Variants in HFM1 observed in about 807,000 individuals in gnomAD.
HFM1 encodes the protein helicase for meiosis 1.
In HFM1, 169 loss-of-function variants were observed where a neutral mutation model predicts 192.1. That is an observed-to-expected ratio of 0.88 (90% CI 0.78 to 1.00). The LOEUF is 1.00. Among genes scored for constraint, HFM1 ranks in the 50% least tolerant of loss-of-function variants. HFM1 has a pLI of 0.00. For synonymous variants in HFM1, 525 were observed against 537.8 expected, an observed-to-expected ratio of 0.98 and a Z score of 0.33; for missense variants, 1,661 against 1,668.0, an observed-to-expected ratio of 1.00 and a Z score of 0.07.
At chr1:91,360,512 T>C (rs2101821104) in intron 13 of HFM1, among the ~76,000 whole-genome samples, 1 of 152,294 alleles carries the variant, frequency 6.6e-6, no homozygotes, top group East Asian at 1.9e-4. Context: ...TAAATATATA[T>C]GCACCCAATA....
intron 4 of HFM1, 71 bp downstream of exon 4, chr1:91,394,018 ATATT>A: frequency 1.2e-6 from 1 of 816,438 alleles, no homozygotes; most frequent in East Asian, 2.8e-5. Flanking sequence ...ACATTGTACC[ATATT>A]TAATACTTTT....
rs1344571281 is a variant in HFM1 at position 91,375,387 on chromosome 1, T to A, written c.1656A>T (p.Lys552Asn). 3.1e-6 allele frequency: 5 copies of A among 1,612,680 alleles called. No individual in the cohort carries two copies. The African/African-American group carries it at 6.7e-5, about 22-fold the overall frequency. Residue 552 changes from lysine (K) to asparagine (N), a missense_variant, in exon 13 of 39, where the codon AAA becomes AAT. Physicochemically the swap from Lys to Asn is moderately conservative, Grantham distance 94 (BLOSUM62 0). Coordinates refer to ENST00000370425, the MANE Select transcript of HFM1 (RefSeq NM_001017975.6). ...GTTTCTGTTCCACAGTCATAATAAA[T>A]TTAGCATCTTTCACAAGAACAGAAG... The part of the protein sequence containing the change: ...QAASVLVKDA[K>N]FIMTVEQKQR...
intron 20 of HFM1, 148 bp from the exon 21 acceptor site, chr1:91,324,914 T>G (rs1652659038): frequency 1.5e-6 from 1 of 656,862 alleles, no homozygotes; most frequent in East Asian, 2.8e-5. Context: ...GAACACCAAA[T>G]TTTAACAACA....
chr1:91,273,772 A>C lies in HFM1; in HGVS notation c.3712T>G (p.Trp1238Gly), dbSNP rs762237061. Residue 1238 changes from tryptophan (W) to glycine (G), a missense_variant, in exon 34 of 39, where the codon TGG (tryptophan) becomes GGG (glycine). Coordinates refer to ENST00000370425, the MANE Select transcript of HFM1 (RefSeq NM_001017975.6). ...TTTCCATAGATTTCAGGCTGATCCCACTGCTCCATTATAGGCAATTCAGAT... is the reference window on the plus strand; with the variant it reads ...TTTCCATAGATTTCAGGCTGATCCCCCTGCTCCATTATAGGCAATTCAGAT... The part of the protein sequence containing the change: ...NISELPIMEQ[W>G]DQPEIYGKVR... 1.1e-5 allele frequency: 17 copies of C among 1,602,212 alleles called. No homozygotes were observed. The highest frequency in any genetic ancestry group is 1.7e-4 in the Middle Eastern group (1 of 6,054).
rs1363445410 is a variant in HFM1, at chr1:91,379,223, A to G, written c.1007-9T>C. On this transcript the variant is annotated splice_polypyrimidine_tract_variant and intron_variant, in intron 8 of 38. Transcript: ENST00000370425. ...GGCTTTTATTGGTGCCACTGTAACA[A>G]TATAAAATATTTACTTTGAACATCA... 6.3e-7 allele frequency: 1 copy of G among 1,584,232 alleles called. No homozygotes were observed. The highest frequency in any genetic ancestry group is 8.5e-7 in the Non-Finnish European group (1 of 1,170,184).
chr1:91,271,623 A>T (rs1162688416), intron 34 of HFM1, among the ~76,000 whole-genome samples: 1 of 152,130 alleles, frequency 6.6e-6, no homozygotes, highest in Admixed American at 6.6e-5. Flanking sequence ...GGATAGAATT[A>T]AGATTACAGG....
chr1:91,331,032 G>C (rs1018366672), intron 20 of HFM1, among the ~76,000 whole-genome samples: 1 of 152,134 alleles, frequency 6.6e-6, no homozygotes, highest in Non-Finnish European at 1.5e-5. Context: ...TACTGAATGG[G>C]GATAAACGGA....
rs1657208928 is a variant in HFM1, at chr1:91,353,257, T to G, written c.1728A>C (p.Arg576Ser). ...YAYSVRDSKL[R>S]DILKDGAAYH... ...TTCAAAAATTATCTCTAAACCTACC[T>G]CTCAGTTTTGAATCTCTTACGGAAT... The change falls in exon 14 of 39, where the codon AGA becomes AGC. Residue 576 changes from arginine (R) to serine (S), a missense_variant and splice_region_variant. By Grantham distance (110) the Arg-to-Ser change is moderately radical. Coordinates refer to ENST00000370425, the MANE Select transcript of HFM1 (RefSeq NM_001017975.6). The G allele has an allele frequency of 6.3e-7, 1 of 1,586,320 alleles. No homozygotes were observed. The highest frequency in any genetic ancestry group is 8.6e-7 in the Non-Finnish European group (1 of 1,157,186).
At chr1:91,324,186 T>C (rs1466235404) in intron 21 of HFM1, among the ~76,000 whole-genome samples, 1 of 152,222 alleles carries the variant, frequency 6.6e-6, no homozygotes. Flanking sequence ...AGTTCTTTTA[T>C]CTAGGTCATC....
rs1666537522 is a variant in HFM1 at position 91,273,755 on chromosome 1, G to T, written c.3729C>A (p.Ile1243=). The T allele has an allele frequency of 6.2e-7, 1 of 1,602,262 alleles. No individual in the cohort carries two copies. Among genetic ancestry groups the T allele is most frequent in the Admixed American group, 1.7e-5 (1 of 59,902 alleles). ...ATGGTTCTTGTCTAACTTTTCCATAGATTTCAGGCTGATCCCACTGCTCCA... is the reference window on the plus strand; with the variant it reads ...ATGGTTCTTGTCTAACTTTTCCATATATTTCAGGCTGATCCCACTGCTCCA... The part of the protein sequence containing the change: ...PIMEQWDQPE[I]YGKVRQEPSE... Residue 1243 remains isoleucine, a synonymous_variant, in exon 34 of 39, where the codon ATC becomes ATA. Transcript: ENST00000370425.
intron 23 of HFM1, among the ~76,000 whole-genome samples, chr1:91,320,563 T>C (rs1651939662): frequency 6.6e-6 from 1 of 152,176 alleles, no homozygotes; most frequent in Non-Finnish European, 1.5e-5. Context: ...TTTGAAGTAA[T>C]ATTTATTTAT....
intron 30 of HFM1, among the ~76,000 whole-genome samples, chr1:91,309,124 T>A (rs1051119546): frequency 3.9e-5 from 6 of 152,218 alleles, no homozygotes; most frequent in African/African-American, 1.4e-4. Flanking sequence ...CTAAATGCGT[T>A]CTTCCTGTCA....
intron 4 of HFM1, among the ~76,000 whole-genome samples, chr1:91,391,371 C>A (rs575910100): frequency 6.6e-6 from 1 of 152,160 alleles, no homozygotes; most frequent in Non-Finnish European, 1.5e-5. Flanking sequence ...GCTACAGTAA[C>A]CAAAACAGCA....
upstream of HFM1, among the ~76,000 whole-genome samples, chr1:91,406,460 G>A (rs571726640): frequency 6.6e-6 from 1 of 152,250 alleles, no homozygotes; most frequent in South Asian, 2.1e-4. Context: ...GGAATCTATA[G>A]AGCCTTACTT....
intron 30 of HFM1, among the ~76,000 whole-genome samples, chr1:91,300,941 C>T (rs1304271001): frequency 4.7e-4 from 68 of 144,688 alleles, no homozygotes; most frequent in African/African-American, 1.2e-3. Context: ...CCAGGGCAAT[C>T]AGGCAGGAGA....
At chr1:91,385,974 A>C (rs952667718) in intron 4 of HFM1, 140 bp from the exon 5 acceptor site, 34 of 656,082 alleles carry the variant, frequency 5.2e-5, no homozygotes, top group Non-Finnish European at 8.4e-5. Flanking sequence ...CATTCTCCTA[A>C]AATATAACTT....
intron 5 of HFM1, 50 bp from the exon 6 acceptor site, chr1:91,385,284 G>T: frequency 9.3e-7 from 1 of 1,078,528 alleles, no homozygotes; most frequent in Non-Finnish European, 1.4e-6. Flanking sequence ...AAAAATTAAT[G>T]GTCAGAAGCT....
At chr1:91,375,284 A>T (rs998690271) in intron 13 of HFM1, 74 bp downstream of exon 13, 2 of 1,007,984 alleles carry the variant, frequency 2.0e-6, no homozygotes, top group Non-Finnish European at 3.0e-6. Flanking sequence ...TTATGGGACA[A>T]GCCTAATTTT....
chr1:91,404,647 C>G (rs1664691376), intron 1 of HFM1, 151 bp downstream of exon 1: 1 of 277,684 alleles, frequency 3.6e-6, no homozygotes, highest in Admixed American at 5.5e-5. Flanking sequence ...GCCTGGTGAC[C>G]AACAACTCGC....
Sources: gnomAD v4.1 joint callset for allele counts (sites outside exome capture counted in the v4.1 genomes callset) on GRCh38, gnomAD v4.1.1 for gene constraint, MANE v1.5 for transcripts, NCBI Gene and HGNC (gene_info 2026-07-23, HGNC 2026-07-21) for gene names.